OTUD7A: variants seen among roughly 807,000 people sequenced by gnomAD.
OTUD7A encodes the protein OTU domain-containing protein 7A.
OTUD7A carries 12 observed loss-of-function variants against 65.7 expected under a neutral mutation model. The observed-to-expected ratio is 0.18, with a 90% CI of 0.12 to 0.30. The LOEUF is 0.30. Among genes scored for constraint, OTUD7A ranks in the 10% least tolerant of loss-of-function variants. The pLI is 1.00. For missense variants in OTUD7A, 1,148 were observed against 1,304.8 expected (o/e 0.88, Z 1.85); for synonymous variants, 641 against 586.3 (o/e 1.09, Z -1.35).
At chr15:31,644,985 C>T (rs545599579) in intron 3 of OTUD7A, among the ~76,000 whole-genome samples, 3 of 152,292 alleles carry the variant, frequency 2.0e-5, no homozygotes, top group South Asian at 2.1e-4. Context: ...AGGCACTGAT[C>T]GGCACTTGGC....
chr15:31,808,493 G>A (rs371493175), intron 1 of OTUD7A, among the ~76,000 whole-genome samples: 3 of 152,310 alleles, frequency 2.0e-5, no homozygotes, highest in Middle Eastern at 3.4e-3. Flanking sequence ...GAGTTGTACC[G>A]TTGTTCTTGA....
chr15:31,865,274 C>T (rs1448960794), intron 1 of OTUD7A, among the ~76,000 whole-genome samples: 2 of 152,216 alleles, frequency 1.3e-5, no homozygotes, highest in African/African-American at 2.4e-5. Context: ...GTGTTGCCCA[C>T]ACTACAATAA....
rs1186893235 is a variant in OTUD7A at position 31,481,602 on chromosome 15, G to A, written c.*1692C>T. On this transcript the variant is annotated 3_prime_UTR_variant, in exon 13 of 13. Transcript: ENST00000307050. The stretch of plus-strand genomic sequence containing the variant: ...ATTTAATAAATAATTTTTGATTTAA[G>A]GAACCACTTATGCAAAACTTGAACA... The A allele has an allele frequency of 1.3e-5, 2 of 151,994 alleles. No homozygotes were observed. The highest frequency in any genetic ancestry group is 1.3e-4 in the Admixed American group (2 of 15,276). The allele number at this position is 151,994 out of a possible 1,614,324, so 9.4% of individuals were successfully genotyped here. A position where few individuals can be genotyped will look rare whatever the true frequency, so the allele number is the denominator to read the frequency against.
At chr15:31,604,678 T>A (rs527690283) in intron 3 of OTUD7A, among the ~76,000 whole-genome samples, 1 of 152,200 alleles carries the variant, frequency 6.6e-6, no homozygotes, top group Non-Finnish European at 1.5e-5. Flanking sequence ...TGCCTTTACA[T>A]AAAGTGCATT....
rs56058547 is a variant in OTUD7A, at chr15:31,648,455, A to G, written c.151+6641T>C. Among the ~76,000 whole-genome samples the G allele has an allele frequency of 9.1e-3, 1,382 of 152,330 alleles. 11 individuals are homozygous for G. The highest frequency in any genetic ancestry group is 0.017 in the Middle Eastern group (5 of 294). ...TGCTATCTGCTGGCATGCAGACCTCAGACAGGGGAAACTGAGGACTGAGCT... is the reference window on the plus strand; with the variant it reads ...TGCTATCTGCTGGCATGCAGACCTCGGACAGGGGAAACTGAGGACTGAGCT... On this transcript the variant is annotated intron_variant, in intron 3 of 12. Transcript: ENST00000307050.
At chr15:31,636,640 CAAAAGCTAGGCCTCTT>C (rs59051316) in intron 3 of OTUD7A, among the ~76,000 whole-genome samples, 36,242 of 152,052 alleles carry the variant, frequency 0.24, 5,436 homozygotes, top group East Asian at 0.66. Flanking sequence ...TAAGATGGGC[CAAAAGCTAGGCCTCTT>C]ACACTAAACA....
At chr15:31,585,599 C>T (rs12050677) in intron 3 of OTUD7A, among the ~76,000 whole-genome samples, 91,204 of 152,094 alleles carry the variant, frequency 0.6, 29,573 homozygotes, top group East Asian at 0.91. Context: ...TTTCTATCTG[C>T]GGCTTCCCTG....
intron 3 of OTUD7A, among the ~76,000 whole-genome samples, chr15:31,579,553 C>G (rs1889308394): frequency 6.6e-6 from 1 of 152,182 alleles, no homozygotes; most frequent in Non-Finnish European, 1.5e-5. Context: ...TTTCATCATG[C>G]TACTCAGAAT....
chr15:31,810,336 G>A (rs963136415), intron 1 of OTUD7A, among the ~76,000 whole-genome samples: 7 of 152,132 alleles, frequency 4.6e-5, no homozygotes, highest in Admixed American at 2.6e-4. Context: ...CTATGTTGAC[G>A]TCCTAGCCAC....
chr15:31,540,781 G>T (rs767586107), intron 5 of OTUD7A, among the ~76,000 whole-genome samples: 1 of 152,140 alleles, frequency 6.6e-6, no homozygotes, highest in Non-Finnish European at 1.5e-5. Flanking sequence ...TGGCTTAAAA[G>T]GTACCTTTAT....
intron 1 of OTUD7A, among the ~76,000 whole-genome samples, chr15:31,783,059 A>T (rs1171728597): frequency 6.6e-6 from 1 of 152,202 alleles, no homozygotes; most frequent in Non-Finnish European, 1.5e-5. Flanking sequence ...TAAAGGTCAG[A>T]TAGAAAAGGA....
intron 1 of OTUD7A, among the ~76,000 whole-genome samples, chr15:31,720,381 C>T (rs944698411): frequency 1.3e-5 from 2 of 150,928 alleles, no homozygotes; most frequent in African/African-American, 2.4e-5. Context: ...CTGTTGATAA[C>T]ATCATGGCAC....
intron 1 of OTUD7A, among the ~76,000 whole-genome samples, chr15:31,737,082 A>G (rs1207893054): frequency 6.6e-6 from 1 of 152,192 alleles, no homozygotes; most frequent in Non-Finnish European, 1.5e-5. Flanking sequence ...TCTGCCTCCC[A>G]AAGTGCTGGA....
At chr15:31,760,935 TG>T (rs1354232919) in intron 1 of OTUD7A, among the ~76,000 whole-genome samples, 2 of 152,180 alleles carry the variant, frequency 1.3e-5, no homozygotes, top group African/African-American at 4.8e-5. Context: ...TTTGTTTTTT[TG>T]TTTTTTTAAC....
intron 8 of OTUD7A, among the ~76,000 whole-genome samples, chr15:31,506,354 G>A (rs2041567641): frequency 6.6e-6 from 1 of 151,866 alleles, no homozygotes. Flanking sequence ...ATACAGTTTA[G>A]TTTACATTTT....
intron 3 of OTUD7A, among the ~76,000 whole-genome samples, chr15:31,638,617 G>C (rs942992380): frequency 7.9e-5 from 12 of 151,566 alleles, no homozygotes; most frequent in African/African-American, 2.7e-4. Context: ...AGCTGGTCTG[G>C]AACTCTGGGC....
intron 1 of OTUD7A, among the ~76,000 whole-genome samples, chr15:31,667,973 C>T (rs569020469): frequency 6.6e-6 from 1 of 152,286 alleles, no homozygotes; most frequent in Admixed American, 6.5e-5. Context: ...GATAGGGCCC[C>T]AATCCCTTCT....
intron 3 of OTUD7A, among the ~76,000 whole-genome samples, chr15:31,627,202 T>C (rs1444164765): frequency 6.6e-6 from 1 of 151,546 alleles, no homozygotes; most frequent in Non-Finnish European, 1.5e-5. Context: ...AACTCGTCAT[T>C]TAGCATTAGG....
chr15:31,768,192 G>A (rs1157183489), intron 1 of OTUD7A: 35 of 1,230,022 alleles, frequency 2.8e-5, no homozygotes, highest in Admixed American at 6.7e-5. Flanking sequence ...GGCACAACCC[G>A]ACTCTCCACA....
Sources: allele counts gnomAD v4.1 joint callset (sites outside exome capture counted in the v4.1 genomes callset), GRCh38; gene constraint gnomAD v4.1.1; transcripts MANE v1.5; gene names NCBI Gene and HGNC (gene_info 2026-07-23, HGNC 2026-07-21).